ATP11C: variants seen among roughly 807,000 people sequenced by gnomAD.
ATP11C encodes ATPase phospholipid transporting 11C (ATP11C blood group), also known as phospholipid-transporting ATPase IG.
Under a neutral mutation model 97.4 loss-of-function variants are expected in ATP11C, and 36 were observed. The observed-to-expected ratio is 0.37, with a 90% CI of 0.28 to 0.49. The LOEUF (loss-of-function observed/expected upper bound fraction) is 0.49. ATP11C is among the 20% of genes least tolerant of loss of function. ATP11C has a pLI of 0.98. For missense variants in ATP11C, 730 were observed against 824.6 expected (o/e 0.89, Z 1.40); for synonymous variants, 275 against 290.9 (o/e 0.95, Z 0.56).
At chrX:139,853,408 GAGAGGAAGAGAC>G (rs369806213) in intron 1 of ATP11C, among the ~76,000 whole-genome samples, 8,247 of 109,442 alleles carry the variant, frequency 0.075, 570 homozygotes, top group African/African-American at 0.21. Context: ...CAAAGAGAGA[GAGAGGAAGAGAC>G]AGAGGAAGAG....
chrX:139,911,447 G>A (rs1393520901), intron 1 of ATP11C, among the ~76,000 whole-genome samples: 1 of 111,779 alleles, frequency 8.9e-6, no homozygotes, highest in East Asian at 2.8e-4. Context: ...CAATAGATTG[G>A]CAAAAAGAAA....
intron 1 of ATP11C, among the ~76,000 whole-genome samples, chrX:139,870,460 ATCAT>A (rs2084355025): frequency 8.9e-6 from 1 of 112,532 alleles, no homozygotes; most frequent in African/African-American, 3.2e-5. Flanking sequence ...AACTTTCAAT[ATCAT>A]TACTCCAATT....
At position 139,741,124 on chromosome X, in the gene ATP11C, G is replaced by A. The variant is rs369906643; in HGVS notation, c.3031-30C>T. ...AAAGATACAACACAAAAGATTTCAC[G>A]ACGGTTACGAATTGCACCAGGCAAT... On this transcript the variant is annotated intron_variant, in intron 26 of 29. Transcript: ENST00000682941. 6.7e-5 allele frequency: 65 copies of A among 966,560 alleles called. 2 individuals are homozygous for A. The Middle Eastern group carries it at 1.6e-3, about 23-fold the overall frequency. The allele number at this position is 966,560 out of a possible 1,213,427, so 79.7% of individuals were successfully genotyped here.
At chrX:139,902,186 C>T (rs2084909398) in intron 1 of ATP11C, among the ~76,000 whole-genome samples, 1 of 111,008 alleles carries the variant, frequency 9.0e-6, no homozygotes, top group African/African-American at 3.3e-5. Context: ...ACCTGAAAGG[C>T]CCCTCCCAGC....
chrX:139,755,700 T>C (rs1039255424), intron 23 of ATP11C, among the ~76,000 whole-genome samples: 15 of 111,615 alleles, frequency 1.3e-4, no homozygotes, highest in South Asian at 7.6e-4. Context: ...ATCTTCAACA[T>C]AGCTGACAGA....
intron 2 of ATP11C, among the ~76,000 whole-genome samples, chrX:139,823,870 A>G (rs2083464361): frequency 9.0e-6 from 1 of 111,589 alleles, no homozygotes; most frequent in Admixed American, 9.5e-5. Context: ...CAGAGTAAAC[A>G]GACAATCTAT....
At chrX:139,931,389 GCCT>G (rs2085430403) in intron 1 of ATP11C, among the ~76,000 whole-genome samples, 1 of 111,937 alleles carries the variant, frequency 8.9e-6, no homozygotes, top group Non-Finnish European at 1.9e-5. Flanking sequence ...TGGCGGCGCA[GCCT>G]CCTCGCGGCT....
At chrX:139,862,580 G>C (rs1287844444) in intron 1 of ATP11C, among the ~76,000 whole-genome samples, 1 of 111,796 alleles carries the variant, frequency 8.9e-6, no homozygotes, top group Non-Finnish European at 1.9e-5. Flanking sequence ...TTGTGTTGTT[G>C]GTGTGAGAGC....
At chrX:139,930,252 G>C (rs1330782173) in intron 1 of ATP11C, among the ~76,000 whole-genome samples, 1 of 110,507 alleles carries the variant, frequency 9.0e-6, no homozygotes, top group African/African-American at 3.3e-5. Context: ...TCCTGGGCCA[G>C]CACTGCTTAA....
At chrX:139,781,293 C>T (rs776064301) in intron 18 of ATP11C, among the ~76,000 whole-genome samples, 2 of 112,017 alleles carry the variant, frequency 1.8e-5, no homozygotes, top group South Asian at 7.4e-4. Flanking sequence ...TCATAATTTT[C>T]ATATATAATA....
chrX:139,747,646 A>G (rs17328647), intron 24 of ATP11C, among the ~76,000 whole-genome samples: 21,529 of 111,484 alleles, frequency 0.19, 3,573 homozygotes, highest in African/African-American at 0.54. Flanking sequence ...CAATTATGTC[A>G]TCTCACATCC....
At chrX:139,779,536 A>G (rs745489967) in intron 18 of ATP11C, among the ~76,000 whole-genome samples, 13 of 112,268 alleles carry the variant, frequency 1.2e-4, no homozygotes, top group Middle Eastern at 9.3e-3. Context: ...TTTTGAAACC[A>G]AAGAAAATAG....
At chrX:139,818,884 C>G (rs763820047) in intron 3 of ATP11C, among the ~76,000 whole-genome samples, 1 of 112,087 alleles carries the variant, frequency 8.9e-6, no homozygotes, top group South Asian at 3.7e-4. Context: ...GCAGATTGAT[C>G]TAACTAGGCT....
intron 1 of ATP11C, among the ~76,000 whole-genome samples, chrX:139,893,300 TC>T (rs2084758159): frequency 9.0e-6 from 1 of 111,560 alleles, no homozygotes; most frequent in Non-Finnish European, 1.9e-5. Flanking sequence ...CCTCAAGTAA[TC>T]CGCCTGCCTC....
At chrX:139,768,494 A>G in intron 19 of ATP11C, 60 bp from the exon 20 acceptor site, 1 of 866,717 alleles carries the variant, frequency 1.2e-6, no homozygotes. Context: ...TAGGATCCAG[A>G]TTTTTTTTTT....
At chrX:139,743,301 T>C in intron 26 of ATP11C, among the ~76,000 whole-genome samples, 1 of 110,276 alleles carries the variant, frequency 9.1e-6, no homozygotes, top group Non-Finnish European at 1.9e-5. Flanking sequence ...ATTTTCGACA[T>C]AAGTATGGTG....
At chrX:139,889,365 G>A (rs993000802) in intron 1 of ATP11C, among the ~76,000 whole-genome samples, 2 of 111,776 alleles carry the variant, frequency 1.8e-5, no homozygotes, top group South Asian at 3.7e-4. Context: ...TAGAAATGAC[G>A]AAACTGTAAG....
At chrX:139,841,483 C>T (rs774500599) in intron 1 of ATP11C, among the ~76,000 whole-genome samples, 1 of 112,477 alleles carries the variant, frequency 8.9e-6, no homozygotes, top group Non-Finnish European at 1.9e-5. Context: ...ATTGGTGGTA[C>T]AAGGGCTTGG....
intron 1 of ATP11C, among the ~76,000 whole-genome samples, chrX:139,851,972 T>C (rs1217793911): frequency 9.1e-6 from 1 of 110,477 alleles, no homozygotes; most frequent in Admixed American, 9.6e-5. Context: ...GTCTCTCATC[T>C]ATATCTGATT....
Sources: allele counts gnomAD v4.1 joint callset (sites outside exome capture counted in the v4.1 genomes callset), GRCh38; gene constraint gnomAD v4.1.1; transcripts MANE v1.5; gene names NCBI Gene and HGNC (gene_info 2026-07-23, HGNC 2026-07-21).